The following PTPRT variants were observed in gnomAD, a reference collection of about 807,000 sequenced individuals.
The protein encoded by PTPRT is protein tyrosine phosphatase receptor type T, also known as receptor-type tyrosine-protein phosphatase T.
Under a neutral mutation model 176.8 loss-of-function variants are expected in PTPRT, and 56 were observed. That is an observed-to-expected ratio of 0.32 (90% CI 0.26 to 0.40). The LOEUF is 0.40. Among genes scored for constraint, PTPRT ranks in the 10% least tolerant of loss-of-function variants. The probability of loss-of-function intolerance (pLI) is 1.00; values close to 1 mark genes in which losing one functional copy is unlikely to be tolerated. For synonymous variants in PTPRT, 783 were observed against 739.0 expected (o/e 1.06, Z -0.96); for missense variants, 1,540 against 1,908.2 (o/e 0.81, Z 3.60).
At chr20:43,048,651 T>G (rs184698564) in intron 1 of PTPRT, among the ~76,000 whole-genome samples, 1 of 152,074 alleles carries the variant, frequency 6.6e-6, no homozygotes, top group East Asian at 1.9e-4. Flanking sequence ...CATAGAGAAG[T>G]CTAAGAATAT....
At chr20:42,703,687 C>T (rs1045114185) in intron 6 of PTPRT, among the ~76,000 whole-genome samples, 1 of 152,138 alleles carries the variant, frequency 6.6e-6, no homozygotes, top group Non-Finnish European at 1.5e-5. Flanking sequence ...AAGCTTATCT[C>T]AAAGAGGGAA....
At chr20:43,038,047 T>C (rs1324974908) in intron 1 of PTPRT, among the ~76,000 whole-genome samples, 1 of 151,974 alleles carries the variant, frequency 6.6e-6, no homozygotes, top group Non-Finnish European at 1.5e-5. Flanking sequence ...ACACCTGACC[T>C]GAGCCTATTT....
chr20:43,004,412 C>T (rs1440353000), intron 1 of PTPRT, among the ~76,000 whole-genome samples: 4 of 152,182 alleles, frequency 2.6e-5, no homozygotes, highest in African/African-American at 4.8e-5. Context: ...AACAAGGTAA[C>T]TTCCCACAAG....
At chr20:42,955,466 T>A (rs1022530321) in intron 1 of PTPRT, among the ~76,000 whole-genome samples, 4 of 152,180 alleles carry the variant, frequency 2.6e-5, no homozygotes, top group African/African-American at 9.7e-5. Flanking sequence ...GTCGGTTTGG[T>A]TCACCCTACT....
chr20:42,573,616 C>A (rs1049421401), intron 7 of PTPRT, among the ~76,000 whole-genome samples: 3 of 152,140 alleles, frequency 2.0e-5, no homozygotes, highest in African/African-American at 4.8e-5. Context: ...GCTTGCCTCC[C>A]TACTTTCCCT....
At chr20:42,490,895 G>T (rs542521781) in intron 7 of PTPRT, among the ~76,000 whole-genome samples, 74 of 152,132 alleles carry the variant, frequency 4.9e-4, no homozygotes, top group African/African-American at 1.6e-3. Flanking sequence ...TCATAAATTG[G>T]TGAATACCTT....
chr20:43,136,661 AC>A (rs2146391392), intron 1 of PTPRT, among the ~76,000 whole-genome samples: 1 of 152,032 alleles, frequency 6.6e-6, no homozygotes, highest in Non-Finnish European at 1.5e-5. Flanking sequence ...ACTCTGCAAC[AC>A]CCTCAGACAC....
chr20:43,081,401 A>G (rs2011438304), intron 1 of PTPRT, among the ~76,000 whole-genome samples: 1 of 152,192 alleles, frequency 6.6e-6, no homozygotes. Context: ...CACATTTCAC[A>G]TTTCACAGCT....
At chr20:42,182,410 G>C (rs1458636318) in intron 16 of PTPRT, among the ~76,000 whole-genome samples, 1 of 152,166 alleles carries the variant, frequency 6.6e-6, no homozygotes, top group African/African-American at 2.4e-5. Context: ...GAATAAGAAG[G>C]GTTACAGAGA....
At chr20:42,758,774 G>C (rs187483519) in intron 5 of PTPRT, among the ~76,000 whole-genome samples, 80 of 152,332 alleles carry the variant, frequency 5.3e-4, no homozygotes, top group African/African-American at 1.9e-3. Flanking sequence ...CAGCTCTGCA[G>C]CTTCCAAGCT....
chr20:42,534,981 C>T lies in PTPRT; in HGVS notation c.1154-62419G>A, dbSNP rs577246709. 3.9e-5 allele frequency among the ~76,000 whole-genome samples: 6 copies of T among 152,280 alleles called. No individual in the cohort carries two copies. The South Asian group carries it at 1.2e-3, about 32-fold the overall frequency. Reference sequence around the variant, plus strand: ...TTCTAACCCACTGACTCTTCCCACTCGCCACGGAAAGTGAGCCCTGCTGTT... The same window carrying T: ...TTCTAACCCACTGACTCTTCCCACTTGCCACGGAAAGTGAGCCCTGCTGTT... On this transcript the variant is annotated intron_variant, in intron 7 of 30. Coordinates refer to ENST00000373187, the MANE Select transcript of PTPRT (RefSeq NM_007050.6).
chr20:42,608,403 A>G (rs1362850392), intron 7 of PTPRT, among the ~76,000 whole-genome samples: 1 of 152,202 alleles, frequency 6.6e-6, no homozygotes, highest in African/African-American at 2.4e-5. Context: ...TTGCAGAATG[A>G]AAAGCACCAA....
In PTPRT at chr20:42,448,283, C is replaced by G; in HGVS notation, c.1497G>C (p.Glu499Asp). 1 of 1,613,504 alleles carries G rather than the reference C, an allele frequency of 6.2e-7. No homozygotes were observed. The highest frequency in any genetic ancestry group is 8.5e-7 in the Non-Finnish European group (1 of 1,179,588). The change falls in exon 9 of 31, where the codon GAG becomes GAC. Residue 499 changes from glutamate to aspartate, a missense_variant. By Grantham distance (45) the Glu-to-Asp change is conservative. Coordinates refer to ENST00000373187, the MANE Select transcript of PTPRT (RefSeq NM_007050.6). ...GTTTCCACTGGATGTAGATCTTCTC[C>G]TCAAAGGGCCCCCCTTGGATGGATT... ...PLESIQGGPF[E>D]EKIYIQWKPP...
chr20:42,963,052 TA>T (rs1289905000), intron 1 of PTPRT, among the ~76,000 whole-genome samples: 1 of 151,816 alleles, frequency 6.6e-6, no homozygotes, highest in Admixed American at 6.6e-5. Flanking sequence ...ACAAAAAAAT[TA>T]GCCGGGCATG....
intron 16 of PTPRT, 140 bp downstream of exon 16, chr20:42,199,100 A>G: frequency 1.0e-6 from 1 of 956,656 alleles, no homozygotes; most frequent in Non-Finnish European, 1.5e-6. Context: ...GTCAGGGAGA[A>G]CCTTCATCCC....
Position 42,350,654 on chromosome 20 carries a change from G to A in PTPRT, c.1839C>T (p.Pro613=), listed in dbSNP as rs757922932. The A allele has an allele frequency of 3.0e-5, 49 of 1,612,836 alleles. 1 individual carries two copies. Among genetic ancestry groups the A allele is most frequent in the East Asian group, 2.7e-4 (12 of 44,890 alleles). ...TDTTITVMLK[P]AQSRGAPVSV... is the part of the protein sequence containing the mutation. ...TGACAGGAGCTCCCCGGGACTGAGC[G>A]GGTTTCAGCATCACTGTGATGGTCG... Residue 613 remains proline, a synonymous_variant, in exon 11 of 31, where the codon CCC becomes CCT. Transcript: ENST00000373187.
chr20:42,685,624 A>C (rs1014721512), intron 6 of PTPRT: 4 of 152,208 alleles, frequency 2.6e-5, no homozygotes, highest in African/African-American at 9.6e-5. Context: ...TCTCTCCTTC[A>C]CTTTGCTGAA....
At chr20:42,048,008 G>A in the PTPRT span, among the ~76,000 whole-genome samples, 1,050 of 152,232 alleles carry the variant, frequency 6.9e-3, 12 homozygotes, top group African/African-American at 0.024. Context: ...CTGACTTGGC[G>A]CTGGAGAGGA....
the PTPRT span, among the ~76,000 whole-genome samples, chr20:42,064,739 G>C: frequency 6.6e-6 from 1 of 152,160 alleles, no homozygotes; most frequent in African/African-American, 2.4e-5. Context: ...AAAAGTAATT[G>C]TGGTGGTCTT....
Sources: gnomAD v4.1 joint callset for allele counts (sites outside exome capture counted in the v4.1 genomes callset) on GRCh38, gnomAD v4.1.1 for gene constraint, MANE v1.5 for transcripts, NCBI Gene and HGNC (gene_info 2026-07-23, HGNC 2026-07-21) for gene names.